ABRAXAS2: variants seen among roughly 807,000 people sequenced by gnomAD.
ABRAXAS2 encodes abraxas 2, BRISC complex subunit, also known as BRISC complex subunit Abraxas 2.
A neutral mutation model predicts 49.0 loss-of-function variants in ABRAXAS2; 23 were observed. The observed-to-expected ratio is 0.47, with a 90% CI of 0.34 to 0.66. The LOEUF is 0.66. Among genes scored for constraint, ABRAXAS2 ranks in the 30% least tolerant of loss-of-function variants. The pLI, the probability that ABRAXAS2 is intolerant of heterozygous loss-of-function variation, is 0.01. For missense variants in ABRAXAS2, 443 were observed against 511.9 expected (o/e 0.87, Z 1.30); for synonymous variants, 168 against 180.2 (o/e 0.93, Z 0.54).
chr10:124,804,230 TATATC>T (rs1384289208), intron 1 of ABRAXAS2, among the ~76,000 whole-genome samples: 7 of 152,232 alleles, frequency 4.6e-5, no homozygotes, highest in African/African-American at 1.7e-4. Context: ...ACTGTTGAGT[TATATC>T]ATTATTCCAC....
At chr10:124,815,733 A>G (rs1190581669) in intron 2 of ABRAXAS2, among the ~76,000 whole-genome samples, 1 of 152,024 alleles carries the variant, frequency 6.6e-6, no homozygotes, top group African/African-American at 2.4e-5. Context: ...CCCTGTAATG[A>G]TTGTTTCCCT....
At chr10:124,834,416 G>T in intron 8 of ABRAXAS2, 86 bp from the exon 9 acceptor site, 1 of 1,155,436 alleles carries the variant, frequency 8.7e-7, no homozygotes, top group South Asian at 1.6e-5. Context: ...CTATTTTCCA[G>T]AACATTCAGG....
chr10:124,817,351 A>G (rs1214877950), intron 3 of ABRAXAS2, among the ~76,000 whole-genome samples: 1 of 152,184 alleles, frequency 6.6e-6, no homozygotes, highest in Non-Finnish European at 1.5e-5. Flanking sequence ...AGACACCTGG[A>G]GGGAAAAGAG....
intron 2 of ABRAXAS2, among the ~76,000 whole-genome samples, chr10:124,808,707 G>A (rs1212436854): frequency 6.6e-6 from 1 of 152,226 alleles, no homozygotes; most frequent in East Asian, 1.9e-4. Context: ...ATGTGTGTCA[G>A]GAGGTAAACT....
At chr10:124,810,024 A>T (rs1437941723) in intron 2 of ABRAXAS2, among the ~76,000 whole-genome samples, 1 of 152,150 alleles carries the variant, frequency 6.6e-6, no homozygotes, top group Non-Finnish European at 1.5e-5. Context: ...AAGTGCTGCG[A>T]TTGCAGGCAT....
chr10:124,828,436 C>T (rs1032167228), intron 5 of ABRAXAS2, among the ~76,000 whole-genome samples: 1 of 152,174 alleles, frequency 6.6e-6, no homozygotes, highest in African/African-American at 2.4e-5. Context: ...ACAATCTTGG[C>T]TCATTGCAAC....
chr10:124,821,310 T>A, intron 4 of ABRAXAS2, among the ~76,000 whole-genome samples: 1 of 147,950 alleles, frequency 6.8e-6, no homozygotes, highest in Non-Finnish European at 1.5e-5. Flanking sequence ...CTCATGCCTG[T>A]AATCCCAGCA....
intron 2 of ABRAXAS2, among the ~76,000 whole-genome samples, chr10:124,815,976 C>T (rs980318995): frequency 6.7e-6 from 1 of 149,266 alleles, no homozygotes; most frequent in Non-Finnish European, 1.5e-5. Flanking sequence ...GATCTCTGCT[C>T]ACTGCAGCCT....
At chr10:124,832,286 AG>A (rs2134173895) in intron 8 of ABRAXAS2, among the ~76,000 whole-genome samples, 1 of 152,324 alleles carries the variant, frequency 6.6e-6, no homozygotes, top group Admixed American at 6.5e-5. Flanking sequence ...CATTAGGCTA[AG>A]GAACAAACTG....
At chr10:124,827,941 T>TA (rs1950907136) in intron 5 of ABRAXAS2, among the ~76,000 whole-genome samples, 10 of 152,248 alleles carry the variant, frequency 6.6e-5, no homozygotes, top group Admixed American at 6.5e-4. Flanking sequence ...CTTGAGCACT[T>TA]ACAGGCTCAG....
At chr10:124,818,381 G>A (rs1035402003) in intron 3 of ABRAXAS2, among the ~76,000 whole-genome samples, 1 of 148,096 alleles carries the variant, frequency 6.8e-6, no homozygotes, top group Non-Finnish European at 1.5e-5. Context: ...GGGTGACAGA[G>A]CGAGACTCCA....
chr10:124,819,501 G>T, intron 4 of ABRAXAS2, 51 bp downstream of exon 4: 3 of 1,504,700 alleles, frequency 2.0e-6, no homozygotes, highest in Non-Finnish European at 2.8e-6. Flanking sequence ...CCTTATCACC[G>T]AAAAGATAAA....
chr10:124,826,513 C>T (rs1354182424), intron 4 of ABRAXAS2, 82 bp from the exon 5 acceptor site: 6 of 1,371,298 alleles, frequency 4.4e-6, no homozygotes, highest in Non-Finnish European at 6.1e-6. Flanking sequence ...CTACTATGAA[C>T]ATTTGTGCAT....
chr10:124,829,759 T>C (rs1171281583), intron 7 of ABRAXAS2, among the ~76,000 whole-genome samples: 1 of 152,184 alleles, frequency 6.6e-6, no homozygotes, highest in Non-Finnish European at 1.5e-5. Flanking sequence ...GTAGAAAGGC[T>C]TGCTAAGAAC....
intron 2 of ABRAXAS2, among the ~76,000 whole-genome samples, chr10:124,810,257 GGCTCATACC>G (rs1950778208): frequency 6.6e-6 from 1 of 152,186 alleles, no homozygotes; most frequent in Non-Finnish European, 1.5e-5. Flanking sequence ...TGGGTGCAGT[GGCTCATACC>G]TGTAATCCCA....
Position 124,836,524 on chromosome 10 carries a change from A to T in ABRAXAS2, c.*1553A>T, listed in dbSNP as rs1029965160. On this transcript the variant is annotated 3_prime_UTR_variant, in exon 9 of 9. Transcript: ENST00000298492. ...GCAGCTTCAGCGCCAGTGTGAATTT[A>T]TTTTTTTTTAAGTGCCATTACCGTC... The T allele has an allele frequency of 4.6e-5, 7 of 151,660 alleles. No homozygotes were observed. The highest frequency in any genetic ancestry group is 1.7e-4 in the African/African-American group (7 of 41,160). 9.4% of individuals were successfully genotyped at this position (151,660 alleles called of 1,614,324 possible). A position where few individuals can be genotyped will look rare whatever the true frequency, so the allele number is the denominator to read the frequency against.
intron 8 of ABRAXAS2, among the ~76,000 whole-genome samples, chr10:124,833,145 C>CAAA (rs1249214741): frequency 8.8e-6 from 1 of 114,202 alleles, no homozygotes; most frequent in Non-Finnish European, 1.7e-5. Context: ...GACTCTGTCT[C>CAAA]AAAAAAAAAA....
At chr10:124,832,841 CAAAAA>C (rs1173167684) in intron 8 of ABRAXAS2, among the ~76,000 whole-genome samples, 3 of 148,548 alleles carry the variant, frequency 2.0e-5, no homozygotes, top group Non-Finnish European at 3.0e-5. Context: ...GAGACTGTCT[CAAAAA>C]AAATAAAATA....
intron 5 of ABRAXAS2, among the ~76,000 whole-genome samples, chr10:124,828,409 G>A (rs550259801): frequency 6.6e-6 from 1 of 152,096 alleles, no homozygotes; most frequent in Non-Finnish European, 1.5e-5. Context: ...CTGTTGCCCA[G>A]GCTGGAGTGC....
Sources: gnomAD v4.1 joint callset for allele counts (sites outside exome capture counted in the v4.1 genomes callset) on GRCh38, gnomAD v4.1.1 for gene constraint, MANE v1.5 for transcripts, NCBI Gene and HGNC (gene_info 2026-07-23, HGNC 2026-07-21) for gene names.